Variants in GRAMD1C observed in about 807,000 individuals in gnomAD.
GRAMD1C encodes the protein GRAM domain containing 1C, also known as protein Aster-C.
Under a neutral mutation model 97.8 loss-of-function variants are expected in GRAMD1C, and 89 were observed. The ratio of observed to expected loss-of-function variants is 0.91; its 90% CI spans 0.77 to 1.09. The LOEUF is 1.09. GRAMD1C is among the 50% of genes least tolerant of loss of function. The pLI, the probability that GRAMD1C is intolerant of heterozygous loss-of-function variation, is 0.00. For synonymous variants in GRAMD1C, 256 were observed against 267.0 expected (o/e 0.96, Z 0.40); for missense variants, 740 against 766.4 (o/e 0.97, Z 0.41).
At chr3:113,831,266 G>T (rs139309954) in intron 1 of GRAMD1C, among the ~76,000 whole-genome samples, 1 of 152,260 alleles carries the variant, frequency 6.6e-6, no homozygotes, top group Non-Finnish European at 1.5e-5. Flanking sequence ...TATCTTTAGT[G>T]TTCTTTAGTA....
chr3:113,833,640 T>A (rs1039494690), intron 1 of GRAMD1C, among the ~76,000 whole-genome samples: 12 of 152,158 alleles, frequency 7.9e-5, no homozygotes, highest in African/African-American at 2.9e-4. Flanking sequence ...CTACCTCTGA[T>A]ACTACGAATC....
chr3:113,870,506 T>C (rs1293723088), intron 3 of GRAMD1C, among the ~76,000 whole-genome samples: 6 of 152,102 alleles, frequency 3.9e-5, no homozygotes, highest in East Asian at 3.8e-4. Context: ...GAATAAGATA[T>C]AGTGTTCAGT....
chr3:113,885,454 C>T (rs1935437689), intron 6 of GRAMD1C: 8 of 1,583,804 alleles, frequency 5.1e-6, no homozygotes, highest in Admixed American at 1.7e-5. Flanking sequence ...TCCTGTGTCC[C>T]GGAATTGGCT....
At position 113,912,877 on chromosome 3, in the gene GRAMD1C, A is replaced by G. The variant is rs199524554; in HGVS notation, c.953-2824A>G. ...AGAAAGAGAAAGCAAAAAATATAAT[A>G]AAAGTAGTTGTTTAAAGGAAAATTT... On this transcript the variant is annotated intron_variant, in intron 9 of 17. Transcript: ENST00000358160. 1.1e-4 allele frequency among the ~76,000 whole-genome samples: 17 copies of G among 152,334 alleles called. No homozygotes were observed. The East Asian group carries it at 2.9e-3, about 26-fold the overall frequency.
intron 2 of GRAMD1C, among the ~76,000 whole-genome samples, chr3:113,865,671 A>C (rs1011378282): frequency 6.6e-6 from 1 of 152,184 alleles, no homozygotes; most frequent in Admixed American, 6.5e-5. Flanking sequence ...CAAATATTGC[A>C]TCTACCTCAT....
chr3:113,838,881 G>T lies in GRAMD1C; in HGVS notation c.-29G>T. The T allele has an allele frequency of 8.1e-7, 1 of 1,230,214 alleles. No homozygotes were observed. 76.2% of individuals were successfully genotyped at this position (1,230,214 alleles called of 1,614,324 possible). A position where few individuals can be genotyped will look rare whatever the true frequency, so the allele number is the denominator to read the frequency against. On this transcript the variant is annotated 5_prime_UTR_variant, in exon 1 of 18. Transcript: ENST00000358160. ...GGCGGTGCGGTGCGGTGCGCGCGGG[G>T]CGGTGCCGCGGCGGCGGAGGGAGCC...
chr3:113,935,267 T>C (rs1447787234), intron 13 of GRAMD1C, among the ~76,000 whole-genome samples: 1 of 152,144 alleles, frequency 6.6e-6, no homozygotes, highest in Non-Finnish European at 1.5e-5. Context: ...CCAAGGAGAC[T>C]GCATAAACTG....
intron 10 of GRAMD1C, among the ~76,000 whole-genome samples, chr3:113,926,867 C>T (rs1263939289): frequency 6.6e-6 from 1 of 152,142 alleles, no homozygotes; most frequent in Admixed American, 6.5e-5. Context: ...TTCTCTGGCC[C>T]TTCGAGGTTA....
chr3:113,927,025 G>A (rs935579856), intron 10 of GRAMD1C, among the ~76,000 whole-genome samples: 3 of 152,096 alleles, frequency 2.0e-5, no homozygotes, highest in African/African-American at 7.2e-5. Context: ...GGCATGGTGG[G>A]GTGCTTGTGC....
At chr3:113,907,612 G>C (rs1433395232) in intron 8 of GRAMD1C, among the ~76,000 whole-genome samples, 1 of 151,952 alleles carries the variant, frequency 6.6e-6, no homozygotes, top group African/African-American at 2.4e-5. Flanking sequence ...TTCTAACAAA[G>C]TTGGAAATAA....
At chr3:113,891,510 T>G (rs1439872113) in intron 6 of GRAMD1C, among the ~76,000 whole-genome samples, 3 of 152,102 alleles carry the variant, frequency 2.0e-5, no homozygotes, top group Non-Finnish European at 2.9e-5. Flanking sequence ...AAAACCCTCA[T>G]AAAATATACA....
chr3:113,870,353 C>A (rs141402167), intron 3 of GRAMD1C, among the ~76,000 whole-genome samples: 72 of 150,790 alleles, frequency 4.8e-4, no homozygotes, highest in East Asian at 3.5e-3. Flanking sequence ...CAGAGTGAGA[C>A]CCTGACCCAC....
intron 10 of GRAMD1C, among the ~76,000 whole-genome samples, chr3:113,922,818 T>G (rs1937108167): frequency 6.6e-6 from 1 of 152,188 alleles, no homozygotes; most frequent in Non-Finnish European, 1.5e-5. Context: ...TGAAGAATGT[T>G]ATTGGTAGTT....
At chr3:113,895,474 C>T (rs567002715) in intron 6 of GRAMD1C, among the ~76,000 whole-genome samples, 153 of 152,120 alleles carry the variant, frequency 1.0e-3, no homozygotes, top group Non-Finnish European at 1.7e-3. Flanking sequence ...GGAGGAGTGT[C>T]ATCCAGCTTT....
chr3:113,853,482 A>G (rs898915114), intron 2 of GRAMD1C, among the ~76,000 whole-genome samples: 8 of 152,270 alleles, frequency 5.3e-5, no homozygotes, highest in Non-Finnish European at 1.2e-4. Context: ...GAAGGGCTTC[A>G]TAATCAGGAA....
chr3:113,872,777 TAA>T (rs1934873734), intron 3 of GRAMD1C, among the ~76,000 whole-genome samples: 1 of 150,902 alleles, frequency 6.6e-6, no homozygotes. Flanking sequence ...AGTCCATTTT[TAA>T]AAACCACTGA....
In GRAMD1C at chr3:113,924,106, T is replaced by TC. The variant is rs1553725339; in HGVS notation, c.1091-6607dup. On this transcript the variant is annotated intron_variant, in intron 10 of 17. Transcript: ENST00000358160. ...AGTCTCTGGGGTTTTTTTTTTTTTT[T>TC]CTGTGGGGTCGGTGGTAATGTTCCT... 1.3e-3 allele frequency among the ~76,000 whole-genome samples: 186 copies of TC among 147,874 alleles called. 1 individual carries two copies. The highest frequency in any genetic ancestry group is 4.4e-3 in the African/African-American group (179 of 40,716).
chr3:113,904,067 C>A, intron 7 of GRAMD1C, 73 bp from the exon 8 acceptor site: 1 of 1,101,770 alleles, frequency 9.1e-7, no homozygotes, highest in Non-Finnish European at 1.3e-6. Flanking sequence ...AGGAAATGAC[C>A]TCAGTGAGGA....
At chr3:113,936,556 T>G in intron 14 of GRAMD1C, 114 bp downstream of exon 14, 1 of 625,638 alleles carries the variant, frequency 1.6e-6, no homozygotes, top group South Asian at 2.3e-5. Context: ...TCCCTCCTTT[T>G]TGGATAATGT....
Sources: gnomAD v4.1 joint callset for allele counts (sites outside exome capture counted in the v4.1 genomes callset) on GRCh38, gnomAD v4.1.1 for gene constraint, MANE v1.5 for transcripts, NCBI Gene and HGNC (gene_info 2026-07-23, HGNC 2026-07-21) for gene names.